AJAP1: variants seen among roughly 807,000 people sequenced by gnomAD.
The protein encoded by AJAP1 is adherens junction-associated protein 1.
A neutral mutation model predicts 35.0 loss-of-function variants in AJAP1; 5 were observed. The observed-to-expected ratio is 0.14, with a 90% confidence interval of 0.07 to 0.30. The LOEUF (loss-of-function observed/expected upper bound fraction) is 0.30. AJAP1 is among the 10% of genes least tolerant of loss of function. The pLI, the probability that AJAP1 is intolerant of heterozygous loss-of-function variation, is 1.00. For synonymous variants in AJAP1, 284 were observed against 249.3 expected, an observed-to-expected ratio of 1.14 and a Z score of -1.31; for missense variants, 586 against 571.0, an observed-to-expected ratio of 1.03 and a Z score of -0.27.
chr1:4,707,066 C>T (rs939744483), intron 1 of AJAP1, among the ~76,000 whole-genome samples: 3 of 152,002 alleles, frequency 2.0e-5, no homozygotes, highest in African/African-American at 7.3e-5. Context: ...AGGCAGGGAC[C>T]CTGTCTCACG....
rs1374640914 is a variant in AJAP1, at chr1:4,663,170, G to A, written c.29+7716G>A. On this transcript the variant is annotated intron_variant, in intron 1 of 5. Coordinates refer to ENST00000378191, the MANE Select transcript of AJAP1 (RefSeq NM_018836.4). ...ATTTTTTTATACTTTGAATAGATTA[G>A]GTCTTGCTGTGTTGCCCAGGCTGGT... is the stretch of plus-strand genomic sequence containing the variant. Among the ~76,000 whole-genome samples the A allele has an allele frequency of 6.6e-5, 10 of 152,250 alleles. No individual in the cohort carries two copies. In the South Asian group the frequency reaches 1.9e-3, roughly 29 times the overall value.
chr1:4,783,466 T>A lies in AJAP1; in HGVS notation c.*981T>A, dbSNP rs890657376. On this transcript the variant is annotated 3_prime_UTR_variant, in exon 6 of 6. Transcript: ENST00000378191. ...TAAGAATGCCAAGGTTTTATATATG[T>A]GTGTGTATATATATATATATATATA... 4.0e-5 allele frequency: 1 copy of A among 25,100 alleles called. No homozygotes were observed. The highest frequency in any genetic ancestry group is 7.2e-5 in the Non-Finnish European group (1 of 13,936). The allele number at this position is 25,100 out of a possible 1,614,324, so 1.6% of individuals were successfully genotyped here. A position where few individuals can be genotyped will look rare whatever the true frequency, so the allele number is the denominator to read the frequency against.
rs149664219 is a variant in AJAP1, at chr1:4,713,202, C to T, written c.829+503C>T. Among the ~76,000 whole-genome samples the T allele has an allele frequency of 1.6e-3, 244 of 152,266 alleles. 1 individual carries two copies. The highest frequency in any genetic ancestry group is 5.4e-3 in the African/African-American group (223 of 41,554). Reference sequence around the variant, plus strand: ...GGCAGGGTGCCTGCCAACTTGACCTCGGTAGAGGATTAGGAATGGCCTTAA... The same window carrying T: ...GGCAGGGTGCCTGCCAACTTGACCTTGGTAGAGGATTAGGAATGGCCTTAA... On this transcript the variant is annotated intron_variant, in intron 2 of 5. Transcript: ENST00000378191.
chr1:4,742,261 C>T (rs1168078057), intron 2 of AJAP1, among the ~76,000 whole-genome samples: 2 of 152,198 alleles, frequency 1.3e-5, no homozygotes, highest in Admixed American at 1.3e-4. Context: ...AAGGACAGAT[C>T]AGCTCCTGCG....
At chr1:4,668,850 C>T (rs1368658743) in intron 1 of AJAP1, among the ~76,000 whole-genome samples, 1 of 152,186 alleles carries the variant, frequency 6.6e-6, no homozygotes, top group African/African-American at 2.4e-5. Flanking sequence ...CCCTCATTTT[C>T]AGTGAGAGAC....
In AJAP1 at chr1:4,693,939, C is replaced by T. The variant is rs1316101465; in HGVS notation, c.30-17961C>T. On this transcript the variant is annotated intron_variant, in intron 1 of 5. Transcript: ENST00000378191. This position sits in a 1 kb window ranked among gnomAD's most constrained non-coding sequence, Gnocchi z 4.4. ...GTGCTGTGGCACAGGGATTACATTT[C>T]CACAGAAGCTTCTGGGGACACTCCA... Among the ~76,000 whole-genome samples, 5 of 152,234 alleles carry T rather than the reference C, an allele frequency of 3.3e-5. No homozygotes were observed. Among genetic ancestry groups the T allele is most frequent in the African/African-American group, 9.6e-5 (4 of 41,474 alleles).
chr1:4,737,030 A>G (rs1336371461), intron 2 of AJAP1, among the ~76,000 whole-genome samples: 1 of 152,232 alleles, frequency 6.6e-6, no homozygotes, highest in African/African-American at 2.4e-5. Flanking sequence ...TGAATGAACT[A>G]GAGCAACTCT....
intron 1 of AJAP1, among the ~76,000 whole-genome samples, chr1:4,657,760 G>A (rs1345182523): frequency 6.6e-6 from 1 of 152,072 alleles, no homozygotes; most frequent in Non-Finnish European, 1.5e-5. Flanking sequence ...CGGCCCCAGA[G>A]ACGAAGTCTG....
chr1:4,695,039 G>A (rs1306192972), intron 1 of AJAP1, among the ~76,000 whole-genome samples: 1 of 152,170 alleles, frequency 6.6e-6, no homozygotes, highest in African/African-American at 2.4e-5. Flanking sequence ...TACACTGGGG[G>A]TACTTTGGCC....
chr1:4,676,815 A>T (rs1353824856), intron 1 of AJAP1, among the ~76,000 whole-genome samples: 2 of 152,210 alleles, frequency 1.3e-5, no homozygotes, highest in African/African-American at 4.8e-5. Context: ...CGAATTTGCC[A>T]AGAGTGGGAA....
chr1:4,667,040 T>C (rs1639144952), intron 1 of AJAP1, among the ~76,000 whole-genome samples: 1 of 152,034 alleles, frequency 6.6e-6, no homozygotes, highest in African/African-American at 2.4e-5. Context: ...GGATGGAACC[T>C]CTGTGTCCTG....
chr1:4,775,170 CTTTTA>C (rs1285830035), intron 5 of AJAP1, among the ~76,000 whole-genome samples: 1 of 152,164 alleles, frequency 6.6e-6, no homozygotes, highest in Non-Finnish European at 1.5e-5. Context: ...ATTTGGTTTG[CTTTTA>C]GTGATATTAA....
rs75067031 is a variant in AJAP1, at chr1:4,695,823, C to T, written c.30-16077C>T. Among the ~76,000 whole-genome samples the T allele has an allele frequency of 2.5e-4, 38 of 152,298 alleles. No homozygotes were observed. In the East Asian group the frequency reaches 7.2e-3, roughly 29 times the overall value. ...TCTGTAAAGACCCTTTCTCCGAATG[C>T]AGTCACACCAAGGTCTAGAGCTTCC... On this transcript the variant is annotated intron_variant, in intron 1 of 5. Transcript: ENST00000378191.
intron 2 of AJAP1, among the ~76,000 whole-genome samples, chr1:4,746,916 C>G (rs1429472253): frequency 6.6e-6 from 1 of 152,226 alleles, no homozygotes; most frequent in East Asian, 1.9e-4. Context: ...TGACCCCGCA[C>G]TGCAGGGACT....
chr1:4,768,498 A>G (rs904246374), intron 2 of AJAP1, among the ~76,000 whole-genome samples: 1 of 152,260 alleles, frequency 6.6e-6, no homozygotes, highest in Non-Finnish European at 1.5e-5. Flanking sequence ...ACATCTGTTT[A>G]AGAGACTGTC....
chr1:4,777,902 AGCTGTGCTT>A (rs1250046083), intron 5 of AJAP1: 3 of 152,208 alleles, frequency 2.0e-5, no homozygotes, highest in African/African-American at 7.2e-5. Flanking sequence ...CCTTTCTGGA[AGCTGTGCTT>A]GCTGAGCTGA....
At chr1:4,740,256 C>G (rs532147128) in intron 2 of AJAP1, among the ~76,000 whole-genome samples, 3 of 132,396 alleles carry the variant, frequency 2.3e-5, no homozygotes, top group South Asian at 5.3e-4. Context: ...CGAAATAAAC[C>G]GGCCACAAAA....
intron 2 of AJAP1, among the ~76,000 whole-genome samples, chr1:4,719,227 A>C (rs1207627719): frequency 2.6e-5 from 4 of 152,206 alleles, no homozygotes; most frequent in Non-Finnish European, 4.4e-5. Flanking sequence ...TTATTCAATG[A>C]ACCATCAGCT....
intron 1 of AJAP1, among the ~76,000 whole-genome samples, chr1:4,660,711 G>A (rs1638982539): frequency 6.6e-6 from 1 of 151,780 alleles, no homozygotes; most frequent in African/African-American, 2.4e-5. Flanking sequence ...ATGTGGAAAT[G>A]GGGAAAGGGG....
Sources: allele counts gnomAD v4.1 joint callset (sites outside exome capture counted in the v4.1 genomes callset), GRCh38; gene constraint gnomAD v4.1.1; non-coding constraint Gnocchi (gnomAD v3.1); transcripts MANE v1.5; gene names NCBI Gene and HGNC (gene_info 2026-07-23, HGNC 2026-07-21).